The following AK8 variants were observed in gnomAD, a reference collection of about 807,000 sequenced individuals.
AK8 encodes the protein adenylate kinase 8.
A neutral mutation model predicts 54.6 loss-of-function variants in AK8; 44 were observed. The ratio of observed to expected loss-of-function variants is 0.81; its 90% CI spans 0.63 to 1.04. The LOEUF (loss-of-function observed/expected upper bound fraction) is 1.04, where lower values mean the gene tolerates loss of function less well. AK8 is among the 50% of genes least tolerant of loss of function. The pLI is 0.00. For missense variants in AK8, 555 were observed against 613.6 expected (o/e 0.90, Z 1.01); for synonymous variants, 239 against 245.6 (o/e 0.97, Z 0.25).
chr9:132,872,094 G>A (rs1843864584), intron 2 of AK8, among the ~76,000 whole-genome samples: 1 of 152,148 alleles, frequency 6.6e-6, no homozygotes, highest in Admixed American at 6.5e-5. Context: ...CAATGCTTTG[G>A]GAGGCCAAGG....
intron 4 of AK8, among the ~76,000 whole-genome samples, chr9:132,857,982 T>C (rs1296443515): frequency 1.3e-5 from 2 of 152,222 alleles, no homozygotes; most frequent in Non-Finnish European, 2.9e-5. Flanking sequence ...AGCACTGTGA[T>C]GCTCTCCCAC....
chr9:132,834,898 ACT>A (rs1425801444), intron 5 of AK8, among the ~76,000 whole-genome samples: 1 of 145,932 alleles, frequency 6.9e-6, no homozygotes, highest in Admixed American at 6.9e-5. Flanking sequence ...ACAGAGTCCC[ACT>A]CTGTCGCCCA....
At chr9:132,876,468 G>A (rs898631892) in intron 1 of AK8, among the ~76,000 whole-genome samples, 1 of 152,218 alleles carries the variant, frequency 6.6e-6, no homozygotes, top group African/African-American at 2.4e-5. Context: ...TGGAGGTGCA[G>A]TAGCGGTTAT....
upstream of AK8, chr9:132,878,316 C>A: frequency 7.6e-7 from 1 of 1,316,096 alleles, no homozygotes. The surrounding 1 kb of genome is among the most constrained non-coding windows in gnomAD (Gnocchi z 4.7). Flanking sequence ...GCGCCGACTG[C>A]GTCATCAGCA....
intron 10 of AK8, among the ~76,000 whole-genome samples, chr9:132,804,271 A>G (rs528654150): frequency 1.3e-5 from 2 of 152,198 alleles, no homozygotes; most frequent in South Asian, 4.2e-4. Flanking sequence ...TTGCTCTTCC[A>G]CTAAACTAGC....
chr9:132,873,003 T>C (rs970211744), intron 2 of AK8, among the ~76,000 whole-genome samples: 3 of 151,986 alleles, frequency 2.0e-5, no homozygotes, highest in Non-Finnish European at 2.9e-5. Context: ...TTAGTAGAGA[T>C]GGGATTTCAC....
intron 10 of AK8, among the ~76,000 whole-genome samples, chr9:132,798,677 A>C (rs1840293859): frequency 6.6e-6 from 1 of 151,050 alleles, no homozygotes. Context: ...GCCACACCAC[A>C]TGGTTTCGTT....
chr9:132,823,277 G>C lies in AK8; in HGVS notation c.817C>G (p.Leu273Val), dbSNP rs750244729. 5 of 1,613,018 alleles carry C rather than the reference G, an allele frequency of 3.1e-6. No homozygotes were observed. Among genetic ancestry groups the C allele is most frequent in the Non-Finnish European group, 4.2e-6 (5 of 1,179,498 alleles). Residue 273 changes from leucine (L) to valine (V), a missense_variant, in exon 9 of 13, where the codon CTG becomes GTG. Coordinates refer to ENST00000298545, the MANE Select transcript of AK8 (RefSeq NM_152572.3). ...TTCCCACTGCCCACAGGCCCGAGCA[G>C]CAGCACCCTCGGGGTGAACGGGGCA... ...TNAPFTPRVL[L>V]LGPVGSGKSL...
chr9:132,749,614 G>A (rs1837811448), intron 11 of AK8, among the ~76,000 whole-genome samples: 1 of 151,896 alleles, frequency 6.6e-6, no homozygotes, highest in Non-Finnish European at 1.5e-5. Flanking sequence ...ACTCACAGCT[G>A]CTGGACTCTA....
chr9:132,867,761 G>C (rs1179621993), intron 2 of AK8, among the ~76,000 whole-genome samples: 2 of 152,244 alleles, frequency 1.3e-5, no homozygotes, highest in African/African-American at 2.4e-5. Flanking sequence ...AGGCCTCCCA[G>C]GGCCCTCCCT....
At chr9:132,767,490 G>C (rs760451224) in intron 11 of AK8, among the ~76,000 whole-genome samples, 9 of 152,148 alleles carry the variant, frequency 5.9e-5, no homozygotes, top group Non-Finnish European at 1.3e-4. Flanking sequence ...AAAGTGGAAT[G>C]CTAGTACTTT....
At chr9:132,758,275 A>G (rs1838289892) in intron 11 of AK8, among the ~76,000 whole-genome samples, 1 of 152,202 alleles carries the variant, frequency 6.6e-6, no homozygotes, top group African/African-American at 2.4e-5. Flanking sequence ...TTACAGAACC[A>G]TTTGCAAAGG....
chr9:132,748,297 A>G (rs1837750231), intron 11 of AK8, among the ~76,000 whole-genome samples: 1 of 151,886 alleles, frequency 6.6e-6, no homozygotes, highest in Admixed American at 6.6e-5. Flanking sequence ...CAGTGCTCTC[A>G]GTCTCTTATC....
intron 5 of AK8, among the ~76,000 whole-genome samples, chr9:132,852,425 C>T (rs112996112): frequency 2.6e-4 from 40 of 152,106 alleles, no homozygotes; most frequent in African/African-American, 9.6e-4. Context: ...CTGGCTAACA[C>T]AGTGAAACCT....
At position 132,826,255 on chromosome 9, in the gene AK8, C is replaced by T. The variant is rs546369216; in HGVS notation, c.757+599G>A. Among the ~76,000 whole-genome samples, 18 of 152,286 alleles carry T rather than the reference C, an allele frequency of 1.2e-4. No individual in the cohort carries two copies. Among genetic ancestry groups the T allele is most frequent in the African/African-American group, 3.6e-4 (15 of 41,556 alleles). On this transcript the variant is annotated intron_variant, in intron 8 of 12. Coordinates refer to ENST00000298545, the MANE Select transcript of AK8 (RefSeq NM_152572.3). This position sits in a 1 kb window ranked among gnomAD's most constrained non-coding sequence, Gnocchi z 4.5. ...TGCCAGAGGCTGCACAGCTGGGCTG[C>T]GTCGGGGCTGAGATTTGAACAGGTT...
chr9:132,771,877 G>T lies in AK8; in HGVS notation c.1121+20757C>A, dbSNP rs142841739. Among the ~76,000 whole-genome samples the T allele has an allele frequency of 9.9e-3, 1,511 of 152,300 alleles. 29 individuals carry two copies. The highest frequency in any genetic ancestry group is 0.035 in the African/African-American group (1,465 of 41,554). On this transcript the variant is annotated intron_variant, in intron 11 of 12. Coordinates refer to ENST00000298545, the MANE Select transcript of AK8 (RefSeq NM_152572.3). ...AGGAAAGAGGATTAATGGACTGACA[G>T]TTCCACATGGCTGGGGAGGCCTCAC...
intron 12 of AK8, among the ~76,000 whole-genome samples, chr9:132,726,496 G>A (rs1220295085): frequency 6.6e-6 from 1 of 152,132 alleles, no homozygotes; most frequent in Non-Finnish European, 1.5e-5. Flanking sequence ...TCAAACTCCT[G>A]ACCTCAGGTG....
intron 5 of AK8, among the ~76,000 whole-genome samples, chr9:132,846,841 G>A (rs1217120855): frequency 6.6e-6 from 1 of 152,220 alleles, no homozygotes; most frequent in Non-Finnish European, 1.5e-5. Flanking sequence ...GTGGCTCTGG[G>A]CGTGCCTCAG....
At chr9:132,752,527 G>A (rs1837983691) in intron 11 of AK8, among the ~76,000 whole-genome samples, 1 of 152,182 alleles carries the variant, frequency 6.6e-6, no homozygotes, top group Admixed American at 6.5e-5. Context: ...GGGATTACAG[G>A]CGTGAGCCAC....
Sources: allele counts gnomAD v4.1 joint callset (sites outside exome capture counted in the v4.1 genomes callset), GRCh38; gene constraint gnomAD v4.1.1; non-coding constraint Gnocchi (gnomAD v3.1); transcripts MANE v1.5; gene names NCBI Gene and HGNC (gene_info 2026-07-23, HGNC 2026-07-21).